RALY: variants seen among roughly 807,000 people sequenced by gnomAD.
RALY encodes RALY heterogeneous nuclear ribonucleoprotein, also known as RNA-binding protein Raly.
Under a neutral mutation model 30.7 loss-of-function variants are expected in RALY, and 15 were observed. The ratio of observed to expected loss-of-function variants is 0.49; its 90% CI spans 0.33 to 0.75. RALY has a LOEUF of 0.75. Among genes scored for constraint, RALY ranks in the 30% least tolerant of loss-of-function variants. RALY has a pLI of 0.02. For synonymous variants in RALY, 177 were observed against 170.8 expected, an observed-to-expected ratio of 1.04 and a Z score of -0.28; for missense variants, 339 against 414.3, an observed-to-expected ratio of 0.82 and a Z score of 1.58.
At chr20:34,074,824 G>A (rs1403156575) in intron 5 of RALY, among the ~76,000 whole-genome samples, 7 of 152,118 alleles carry the variant, frequency 4.6e-5, no homozygotes, top group East Asian at 1.9e-4. Flanking sequence ...GTCTGGGATC[G>A]GATCCATTCC....
intron 1 of RALY, among the ~76,000 whole-genome samples, chr20:34,013,842 C>A (rs952099321): frequency 3.9e-5 from 6 of 152,092 alleles, no homozygotes; most frequent in South Asian, 2.1e-4. Flanking sequence ...ATAGTACTTA[C>A]AAAATGAATG....
chr20:34,018,179 C>A (rs2031678931), intron 1 of RALY, among the ~76,000 whole-genome samples: 1 of 152,194 alleles, frequency 6.6e-6, no homozygotes, highest in Non-Finnish European at 1.5e-5. Context: ...AGCCCTTATC[C>A]TTTGCCAGAT....
intron 2 of RALY, among the ~76,000 whole-genome samples, chr20:34,050,074 ATGCCATTTACAGAG>A (rs2033025676): frequency 6.6e-6 from 1 of 152,120 alleles, no homozygotes; most frequent in Non-Finnish European, 1.5e-5. Flanking sequence ...GTTCCATCTC[ATGCCATTTACAGAG>A]TGCCATTTAC....
At chr20:34,075,748 C>G in intron 5 of RALY, 126 bp from the exon 6 acceptor site, 8 of 1,073,196 alleles carry the variant, frequency 7.5e-6, no homozygotes, top group Non-Finnish European at 1.0e-5. Flanking sequence ...TTGCTAGGAG[C>G]CAGCAGAGGT....
At chr20:34,004,315 C>G (rs1568649032) in intron 1 of RALY, among the ~76,000 whole-genome samples, 1 of 152,240 alleles carries the variant, frequency 6.6e-6, no homozygotes, top group Non-Finnish European at 1.5e-5. Flanking sequence ...GTTGTACTTA[C>G]AGATTATGAA....
Position 34,075,877 on chromosome 20 carries a change from C to G in RALY, c.381C>G (p.Leu127=), listed in dbSNP as rs2033860970. ...TCTGGCCCATCTGCCCTCACAGGCT[C>G]TTCGACTACCGGGGCCGTCTGTCGC... is the stretch of plus-strand genomic sequence containing the variant. ...DYYRDDFYDR[L]FDYRGRLSPV... The change falls in exon 6 of 10, where the codon CTC becomes CTG. Residue 127 remains leucine, a synonymous_variant. Coordinates refer to ENST00000246194, the MANE Select transcript of RALY (RefSeq NM_016732.3). The G allele has an allele frequency of 3.7e-6, 6 of 1,612,656 alleles. No homozygotes were observed. The highest frequency in any genetic ancestry group is 2.7e-5 in the African/African-American group (2 of 75,030).
At position 34,077,244 on chromosome 20, in the gene RALY, TG is replaced by T. The variant is rs2033918235; in HGVS notation, c.876+1del. Reference sequence around the variant, plus strand: ...CTCCTGACACACAGCGAGGAAGAGCTGGTGAGGGCCTGGCCAGGGGCACGAC... The same window carrying T: ...CTCCTGACACACAGCGAGGAAGAGCTGTGAGGGCCTGGCCAGGGGCACGAC... Reference protein sequence around the residue: ...EGLLTHSEEELEHSQDTDADD... With the variant: ...EGLLTHSEEEXEHSQDTDADD... On this transcript the variant is annotated frameshift_variant and splice_region_variant, in exon 8 of 10. Transcript: ENST00000246194. LOFTEE classifies it high-confidence loss of function. The T allele has an allele frequency of 6.2e-7, 1 of 1,613,380 alleles. No individual in the cohort carries two copies. Among genetic ancestry groups the T allele is most frequent in the Non-Finnish European group, 8.5e-7 (1 of 1,179,748 alleles).
rs867489562 is a variant in RALY at position 34,071,332 on chromosome 20, A to G, written c.-9-734A>G. On this transcript the variant is annotated intron_variant, in intron 2 of 9. Coordinates refer to ENST00000246194, the MANE Select transcript of RALY (RefSeq NM_016732.3). ...TAGACAGAGTCTGGCTCTGTCGCCCAGGCTGGAGTGCAGTGGCTTACTGCA... is the reference window on the plus strand; with the variant it reads ...TAGACAGAGTCTGGCTCTGTCGCCCGGGCTGGAGTGCAGTGGCTTACTGCA... 2.0e-4 allele frequency among the ~76,000 whole-genome samples: 30 copies of G among 150,882 alleles called. No individual in the cohort carries two copies. In the Middle Eastern group the frequency reaches 0.01, roughly 52 times the overall value.
Position 34,076,781 on chromosome 20 carries a change from G to A in RALY, c.624G>A (p.Leu208=). Residue 208 remains leucine (L), a synonymous_variant, in exon 7 of 10, where the codon TTG becomes TTA. Transcript: ENST00000246194. ...ATATCGATGCCCTGCTGAGCCGCTTGGAGCAGATCGCTGCGGAGCAAAAGG... is the reference window on the plus strand; with the variant it reads ...ATATCGATGCCCTGCTGAGCCGCTTAGAGCAGATCGCTGCGGAGCAAAAGG... ...KSNIDALLSR[L]EQIAAEQKAN... 1.2e-6 allele frequency: 2 copies of A among 1,614,164 alleles called. No homozygotes were observed. The highest frequency in any genetic ancestry group is 8.5e-7 in the Non-Finnish European group (1 of 1,180,032).
intron 1 of RALY, among the ~76,000 whole-genome samples, chr20:33,998,396 C>T (rs1292243082): frequency 6.6e-6 from 1 of 152,166 alleles, no homozygotes; most frequent in Non-Finnish European, 1.5e-5. Flanking sequence ...TAAGACTGTT[C>T]TAGGTAGAAG....
In RALY at chr20:34,070,252, G is replaced by A. The variant is rs574188859; in HGVS notation, c.-9-1814G>A. 2.6e-5 allele frequency among the ~76,000 whole-genome samples: 4 copies of A among 152,294 alleles called. No homozygotes were observed. The South Asian group carries it at 8.3e-4, about 32-fold the overall frequency. On this transcript the variant is annotated intron_variant, in intron 2 of 9. Coordinates refer to ENST00000246194, the MANE Select transcript of RALY (RefSeq NM_016732.3). ...CCTTAAGGTTAGGTTACTGAGATAG[G>A]AGGGTTCCAAAAGGGAGTGGCATCA...
chr20:34,009,873 C>G (rs2031324923), intron 1 of RALY, among the ~76,000 whole-genome samples: 1 of 152,076 alleles, frequency 6.6e-6, no homozygotes, highest in Non-Finnish European at 1.5e-5. Context: ...AACACTTGGT[C>G]AATTCATTTT....
chr20:34,010,913 A>G (rs951522536), intron 1 of RALY, among the ~76,000 whole-genome samples: 5 of 151,596 alleles, frequency 3.3e-5, no homozygotes, highest in African/African-American at 1.2e-4. Flanking sequence ...TTTTTTCATT[A>G]TATCTCGGCT....
intron 1 of RALY, among the ~76,000 whole-genome samples, chr20:34,023,715 G>A (rs75459907): frequency 8.1e-4 from 123 of 152,176 alleles, no homozygotes; most frequent in African/African-American, 2.5e-3. Flanking sequence ...ATCATATGCT[G>A]GAGTATCACA....
intron 1 of RALY, among the ~76,000 whole-genome samples, chr20:34,004,815 C>G (rs891711076): frequency 3.3e-5 from 5 of 152,146 alleles, no homozygotes; most frequent in African/African-American, 9.7e-5. Flanking sequence ...CTTAGTCTCT[C>G]AGAGCTCATC....
intron 1 of RALY, among the ~76,000 whole-genome samples, chr20:34,023,169 A>G (rs1460321038): frequency 1.3e-5 from 2 of 152,182 alleles, no homozygotes; most frequent in Non-Finnish European, 2.9e-5. Context: ...CAGTTTACGT[A>G]ATTTTTTCCC....
chr20:34,059,127 T>TC (rs2033342626), intron 2 of RALY, among the ~76,000 whole-genome samples: 1 of 152,152 alleles, frequency 6.6e-6, no homozygotes, highest in Non-Finnish European at 1.5e-5. Flanking sequence ...GGTCACCCGT[T>TC]CCTTCCTTCC....
intron 1 of RALY, among the ~76,000 whole-genome samples, chr20:34,010,187 C>A (rs2031340244): frequency 1.3e-5 from 2 of 152,070 alleles, no homozygotes; most frequent in African/African-American, 2.4e-5. Context: ...ATGAAGGAAA[C>A]CATGGACATT....
chr20:34,078,818 T>C (rs1178149140), intron 9 of RALY, among the ~76,000 whole-genome samples: 2 of 152,156 alleles, frequency 1.3e-5, no homozygotes, highest in African/African-American at 4.8e-5. Flanking sequence ...CACTCAGCCA[T>C]GTTGCCTGTC....
Sources: allele counts gnomAD v4.1 joint callset (sites outside exome capture counted in the v4.1 genomes callset), GRCh38; gene constraint gnomAD v4.1.1; transcripts MANE v1.5; gene names NCBI Gene and HGNC (gene_info 2026-07-23, HGNC 2026-07-21).